PCDHA1: variants seen among roughly 807,000 people sequenced by gnomAD.
PCDHA1 encodes protocadherin alpha-1.
Under a neutral mutation model 61.3 loss-of-function variants are expected in PCDHA1, and 42 were observed. The observed-to-expected ratio is 0.69, with a 90% confidence interval of 0.54 to 0.89. The LOEUF (loss-of-function observed/expected upper bound fraction) is 0.89. Among genes scored for constraint, PCDHA1 ranks in the 40% least tolerant of loss-of-function variants. The probability of loss-of-function intolerance (pLI) is 0.00; values close to 1 mark genes in which losing one functional copy is unlikely to be tolerated. For synonymous variants in PCDHA1, 610 were observed against 553.8 expected (o/e 1.10, Z -1.43); for missense variants, 1,256 against 1,235.3 (o/e 1.02, Z -0.25).
intron 1 of PCDHA1, chr5:140,823,923 G>A (rs1767928713): frequency 6.2e-6 from 10 of 1,614,002 alleles, no homozygotes; most frequent in Non-Finnish European, 7.6e-6. Context: ...CGCTGCTGCT[G>A]TACACCGCGC....
At chr5:140,836,779 AT>A (rs2150269832) in intron 1 of PCDHA1, 6 of 1,482,480 alleles carry the variant, frequency 4.0e-6, no homozygotes, top group Non-Finnish European at 5.5e-6. Context: ...TTTTAAAACA[AT>A]TAGTTCAATT....
intron 1 of PCDHA1, among the ~76,000 whole-genome samples, chr5:140,922,354 A>G (rs1208856231): frequency 6.6e-6 from 1 of 152,220 alleles, no homozygotes; most frequent in Non-Finnish European, 1.5e-5. Flanking sequence ...TTTCTAGAGT[A>G]GTGATTCTCA....
intron 1 of PCDHA1, chr5:140,967,709 G>T: frequency 6.2e-7 from 1 of 1,614,140 alleles, no homozygotes; most frequent in Non-Finnish European, 8.5e-7. Context: ...TGCCAGTACC[G>T]GGGAAGTGCG....
chr5:140,925,048 C>A (rs574148178), intron 1 of PCDHA1, among the ~76,000 whole-genome samples: 1 of 150,658 alleles, frequency 6.6e-6, no homozygotes, highest in South Asian at 2.1e-4. Flanking sequence ...AAGTTTGAGA[C>A]CAGACTGGGC....
chr5:140,911,147 C>T (rs978714342), intron 1 of PCDHA1, among the ~76,000 whole-genome samples: 6 of 152,218 alleles, frequency 3.9e-5, no homozygotes, highest in Non-Finnish European at 8.8e-5. Context: ...GGTTTTTCTC[C>T]TCAGACAAAT....
At chr5:140,927,848 G>C (rs1295513512) in intron 1 of PCDHA1, 1 of 1,614,180 alleles carries the variant, frequency 6.2e-7, no homozygotes, top group African/African-American at 1.3e-5. Flanking sequence ...GGTGTCTTTG[G>C]TTTAGCTAGC....
intron 1 of PCDHA1, among the ~76,000 whole-genome samples, chr5:140,908,825 G>A (rs1554193511): frequency 1.3e-5 from 2 of 152,252 alleles, no homozygotes; most frequent in South Asian, 2.1e-4. Flanking sequence ...TGGGTTACTC[G>A]ATAAATGGGC....
At position 140,946,014 on chromosome 5, in the gene PCDHA1, C is replaced by T. The variant is rs116323983; in HGVS notation, c.2395-32935C>T. On this transcript the variant is annotated intron_variant, in intron 1 of 3. Coordinates refer to ENST00000504120, the MANE Select transcript of PCDHA1 (RefSeq NM_018900.4). ...ATTGCATCAAACTAAAAAGCTCCTG[C>T]GCAGCAAAGAAAACAAGAGTGAAGG... Among the ~76,000 whole-genome samples, 849 of 151,986 alleles carry T rather than the reference C, an allele frequency of 5.6e-3. 7 individuals carry two copies. The highest frequency in any genetic ancestry group is 0.02 in the African/African-American group (814 of 41,504).
rs556069691 is a variant in PCDHA1 at position 140,951,526 on chromosome 5, G to A, written c.2395-27423G>A. Among the ~76,000 whole-genome samples the A allele has an allele frequency of 7.4e-4, 112 of 152,076 alleles. 1 individual carries two copies. The highest frequency in any genetic ancestry group is 2.6e-3 in the African/African-American group (107 of 41,516). ...GGAAAGCGGCTCATCTTACATGGCC[G>A]GTGCAGGAGCAAGGGACGGGGGGAA... is the stretch of plus-strand genomic sequence containing the variant. On this transcript the variant is annotated intron_variant, in intron 1 of 3. Transcript: ENST00000504120.
In PCDHA1 at chr5:140,848,293, C is replaced by T. The variant is rs2150408206; in HGVS notation, c.2394+59609C>T. On this transcript the variant is annotated intron_variant, in intron 1 of 3. Transcript: ENST00000504120. ...TGAAATATGTACTTACACTTTGGGC[C>T]ACGTGATGTCACTCTTTGCCGCGAT... The T allele has an allele frequency of 2.0e-5, 13 of 642,032 alleles. 2 individuals are homozygous for T. The highest frequency in any genetic ancestry group is 3.2e-5 in the Non-Finnish European group (12 of 369,632). 39.8% of individuals were successfully genotyped at this position (642,032 alleles called of 1,614,324 possible).
At chr5:140,967,624 G>C (rs950749188) in intron 1 of PCDHA1, 1 of 1,614,158 alleles carries the variant, frequency 6.2e-7, no homozygotes, top group Non-Finnish European at 8.5e-7. Flanking sequence ...ACCCGGATGA[G>C]GGCTCCAATG....
chr5:140,950,711 T>C (rs1173209854), intron 1 of PCDHA1, among the ~76,000 whole-genome samples: 2 of 152,094 alleles, frequency 1.3e-5, no homozygotes, highest in African/African-American at 4.8e-5. Flanking sequence ...TTTTTGTTCC[T>C]TATATCCTTA....
intron 1 of PCDHA1, among the ~76,000 whole-genome samples, chr5:140,896,002 G>A (rs1485647299): frequency 1.3e-5 from 2 of 152,082 alleles, no homozygotes; most frequent in Non-Finnish European, 2.9e-5. Flanking sequence ...GTAGAGACAG[G>A]GTTTCTCCAT....
At chr5:140,888,108 T>C (rs1554183322) in intron 1 of PCDHA1, among the ~76,000 whole-genome samples, 1 of 152,248 alleles carries the variant, frequency 6.6e-6, no homozygotes, top group Non-Finnish European at 1.5e-5. Flanking sequence ...CTTCTTTTAA[T>C]CTATCTTCTT....
intron 1 of PCDHA1, chr5:140,860,149 A>ATG (rs1239190968): frequency 6.7e-6 from 1 of 150,348 alleles, no homozygotes; most frequent in East Asian, 1.9e-4. Context: ...ATATGTATAT[A>ATG]TGTGTATATA....
chr5:140,796,755 G>T (rs782655380), intron 1 of PCDHA1: 2 of 1,614,138 alleles, frequency 1.2e-6, no homozygotes, highest in South Asian at 2.2e-5. Context: ...TGCGCGCAGT[G>T]GACGCTGACT....
intron 1 of PCDHA1, among the ~76,000 whole-genome samples, chr5:140,911,760 A>G (rs1295639313): frequency 6.6e-6 from 1 of 151,962 alleles, no homozygotes; most frequent in African/African-American, 2.4e-5. Flanking sequence ...TCTCCATACT[A>G]TTAGAAGTAC....
chr5:140,972,660 AT>A (rs11350929), intron 1 of PCDHA1, among the ~76,000 whole-genome samples: 34,850 of 117,234 alleles, frequency 0.3, 4,025 homozygotes, highest in East Asian at 0.43. Context: ...AAGAAACCAA[AT>A]TTTTTTTTTT....
chr5:140,943,696 A>G (rs2093549628), intron 1 of PCDHA1, among the ~76,000 whole-genome samples: 1 of 152,256 alleles, frequency 6.6e-6, no homozygotes, highest in South Asian at 2.1e-4. Context: ...AGGTCAAAAT[A>G]TTGTGGAACA....
Sources: gnomAD v4.1 joint callset for allele counts (sites outside exome capture counted in the v4.1 genomes callset) on GRCh38, gnomAD v4.1.1 for gene constraint, MANE v1.5 for transcripts, NCBI Gene and HGNC (gene_info 2026-07-23, HGNC 2026-07-21) for gene names.